The following PCDHGA5 variants were observed in gnomAD, a reference collection of about 807,000 sequenced individuals.
PCDHGA5 encodes the protein protocadherin gamma-A5.
Under a neutral mutation model 56.7 loss-of-function variants are expected in PCDHGA5, and 36 were observed. The observed-to-expected ratio is 0.64, with a 90% CI of 0.49 to 0.84. The LOEUF (loss-of-function observed/expected upper bound fraction) is 0.84, where lower values mean the gene tolerates loss of function less well. PCDHGA5 is among the 40% of genes least tolerant of loss of function. The probability of loss-of-function intolerance (pLI) is 0.00; values close to 1 mark genes in which losing one functional copy is unlikely to be tolerated. For synonymous variants in PCDHGA5, 563 were observed against 520.2 expected (o/e 1.08, Z -1.12); for missense variants, 1,305 against 1,201.5 (o/e 1.09, Z -1.27).
In PCDHGA5 at chr5:141,489,661, C is replaced by T. The variant is rs756803543; in HGVS notation, c.2422-5146C>T. 36 of 1,614,146 alleles carry T rather than the reference C, an allele frequency of 2.2e-5. 1 individual carries two copies. Among genetic ancestry groups the T allele is most frequent in the South Asian group, 5.5e-5 (5 of 91,090 alleles). ...CTTTGCCACCCCTGAGCGAGAGATG[C>T]GCATCTCAGAATCAGCAGCATCTGG... On this transcript the variant is annotated intron_variant, in intron 1 of 3. Coordinates refer to ENST00000518069, the MANE Select transcript of PCDHGA5 (RefSeq NM_018918.3). The surrounding 1 kb of genome is among the most constrained non-coding windows in gnomAD (Gnocchi z 4.5).
chr5:141,393,400 T>A (rs1427213486), intron 1 of PCDHGA5: 5 of 1,614,024 alleles, frequency 3.1e-6, no homozygotes, highest in Non-Finnish European at 4.2e-6. Context: ...GAGCTGGTGC[T>A]GGAGCGCGCC....
chr5:141,411,743 G>A (rs2095510866), intron 1 of PCDHGA5: 2 of 152,860 alleles, frequency 1.3e-5, no homozygotes, highest in Non-Finnish European at 2.9e-5. Flanking sequence ...TTAGCAGGGT[G>A]TGGTGGCACA....
intron 1 of PCDHGA5, chr5:141,373,873 G>C: frequency 2.1e-6 from 1 of 480,742 alleles, no homozygotes; most frequent in Admixed American, 3.9e-5. Context: ...ACCTGGGCAA[G>C]AAAATCAACG....
chr5:141,421,885 G>A (rs2096608692), intron 1 of PCDHGA5: 1 of 1,613,574 alleles, frequency 6.2e-7, no homozygotes, highest in African/African-American at 1.3e-5. Context: ...AGATGGAGGC[G>A]ATCCCATCCG....
intron 1 of PCDHGA5, among the ~76,000 whole-genome samples, chr5:141,387,384 A>G (rs897106394): frequency 6.6e-6 from 1 of 152,208 alleles, no homozygotes; most frequent in Non-Finnish European, 1.5e-5. Flanking sequence ...CTTTATATAG[A>G]TAGTGCATGT....
chr5:141,457,942 T>C (rs2098933338), intron 1 of PCDHGA5, among the ~76,000 whole-genome samples: 1 of 152,226 alleles, frequency 6.6e-6, no homozygotes, highest in Non-Finnish European at 1.5e-5. Flanking sequence ...TTATTGGCTC[T>C]GCATGTCAAG....
intron 1 of PCDHGA5, chr5:141,412,147 G>C (rs1447265509): frequency 6.6e-6 from 1 of 152,176 alleles, no homozygotes; most frequent in East Asian, 1.9e-4. Context: ...GATACAAACT[G>C]CCTAAGAGAA....
At chr5:141,423,192 C>T in intron 1 of PCDHGA5, 2 of 1,613,622 alleles carry the variant, frequency 1.2e-6, no homozygotes, top group African/African-American at 2.7e-5. Context: ...AGCCCCCTCT[C>T]TCGGCCACCG....
chr5:141,510,905 C>T lies in PCDHGA5; in HGVS notation c.2570-42C>T. 4 of 1,613,538 alleles carry T rather than the reference C, an allele frequency of 2.5e-6. No homozygotes were observed. In the South Asian group the frequency reaches 4.4e-5, roughly 18 times the overall value. ...GATATAAGACAGTGACTGTTGAGGA[C>T]CCTAAGTTTAGCTCCCACCTGATCT... On this transcript the variant is annotated intron_variant, in intron 3 of 3. Coordinates refer to ENST00000518069, the MANE Select transcript of PCDHGA5 (RefSeq NM_018918.3).
chr5:141,386,345 AG>A (rs2090538065), intron 1 of PCDHGA5, among the ~76,000 whole-genome samples: 1 of 152,200 alleles, frequency 6.6e-6, no homozygotes, highest in Admixed American at 6.5e-5. Context: ...GTGGATGACA[AG>A]GTAATCTTGA....
At chr5:141,498,796 G>A (rs1160540093) in intron 2 of PCDHGA5, among the ~76,000 whole-genome samples, 1 of 152,032 alleles carries the variant, frequency 6.6e-6, no homozygotes, top group Non-Finnish European at 1.5e-5. Context: ...AGCCAGGTGT[G>A]GTGGTGCACA....
At chr5:141,415,438 C>A in intron 1 of PCDHGA5, 1 of 1,614,218 alleles carries the variant, frequency 6.2e-7, no homozygotes, top group South Asian at 1.1e-5. Flanking sequence ...GGCTTTCCTG[C>A]AGACCTATTC....
chr5:141,476,754 T>G lies in PCDHGA5; in HGVS notation c.2422-18053T>G. 1 of 1,613,926 alleles carries G rather than the reference T, an allele frequency of 6.2e-7. No individual in the cohort carries two copies. The highest frequency in any genetic ancestry group is 1.1e-5 in the South Asian group (1 of 91,084). On this transcript the variant is annotated intron_variant, in intron 1 of 3. Coordinates refer to ENST00000518069, the MANE Select transcript of PCDHGA5 (RefSeq NM_018918.3). The surrounding 1 kb of genome is among the most constrained non-coding windows in gnomAD (Gnocchi z 7.6). Reference sequence around the variant, plus strand: ...GAACGGGAGCCTAGTCTCCAGTTAGTGCTGACGGCGTTGGACGGAGGGACC... The same window carrying G: ...GAACGGGAGCCTAGTCTCCAGTTAGGGCTGACGGCGTTGGACGGAGGGACC...
intron 1 of PCDHGA5, chr5:141,398,388 C>G: frequency 6.9e-7 from 1 of 1,454,974 alleles, no homozygotes; most frequent in African/African-American, 1.4e-5. Flanking sequence ...TGCTTGTGAG[C>G]AGCAGGCTAG....
chr5:141,365,039 G>A lies in PCDHGA5; in HGVS notation c.709G>A (p.Asp237Asn), dbSNP rs577848371. The change falls in exon 1 of 4, where the codon GAC (aspartate) becomes AAC (asparagine). Residue 237 changes from aspartate (D) to asparagine (N), a missense_variant. Physicochemically the swap from Asp to Asn is conservative, Grantham distance 23. Transcript: ENST00000518069. ...CCGTGTTACGGTCCTCGACGCAAAC[G>A]ACAATGCGCCCCTGTTCACCCCATC... ...HIRVTVLDAN[D>N]NAPLFTPSEY... is the part of the protein sequence containing the mutation. 7.4e-6 allele frequency: 12 copies of A among 1,613,840 alleles called. No homozygotes were observed. Among genetic ancestry groups the A allele is most frequent in the Non-Finnish European group, 9.3e-6 (11 of 1,179,908 alleles).
rs913767837 is a variant in PCDHGA5, at chr5:141,491,909, C to T, written c.2422-2898C>T. 8.5e-6 allele frequency: 12 copies of T among 1,403,834 alleles called. No individual in the cohort carries two copies. Among genetic ancestry groups the T allele is most frequent in the Non-Finnish European group, 1.1e-5 (12 of 1,057,326 alleles). 87.0% of individuals were successfully genotyped at this position (1,403,834 alleles called of 1,614,324 possible). A position where few individuals can be genotyped will look rare whatever the true frequency, so the allele number is the denominator to read the frequency against. Reference sequence around the variant, plus strand: ...GGGCTCCGAGCACCGGGGGTGGTGGCGACTGTGGGCGAGGGGAGGTGGGAC... The same window carrying T: ...GGGCTCCGAGCACCGGGGGTGGTGGTGACTGTGGGCGAGGGGAGGTGGGAC... On this transcript the variant is annotated intron_variant, in intron 1 of 3. Transcript: ENST00000518069. The surrounding 1 kb of genome is among the most constrained non-coding windows in gnomAD (Gnocchi z 6.9).
intron 1 of PCDHGA5, among the ~76,000 whole-genome samples, chr5:141,437,364 T>C (rs1026384836): frequency 6.6e-6 from 1 of 152,232 alleles, no homozygotes; most frequent in African/African-American, 2.4e-5. Flanking sequence ...AAAATTGGAA[T>C]GTAATCAGTC....
chr5:141,375,025 TTA>T (rs778119379), intron 1 of PCDHGA5: 2 of 1,614,042 alleles, frequency 1.2e-6, no homozygotes, highest in East Asian at 4.5e-5. Flanking sequence ...ACTCGAGTTT[TTA>T]TGAGCTGGGT....
Position 141,431,612 on chromosome 5 carries a change from G to T in PCDHGA5, c.2422-63195G>T, listed in dbSNP as rs79883194. 6.2e-7 allele frequency: 1 copy of T among 1,614,244 alleles called. No homozygotes were observed. The highest frequency in any genetic ancestry group is 2.2e-5 in the East Asian group (1 of 44,880). Reference sequence around the variant, plus strand: ...AGTGAGGTATTCCTTCCGGTATGTGGACGACAAGGCGGCCCAAGTTTTCAA... The same window carrying T: ...AGTGAGGTATTCCTTCCGGTATGTGTACGACAAGGCGGCCCAAGTTTTCAA... On this transcript the variant is annotated intron_variant, in intron 1 of 3. Transcript: ENST00000518069. The surrounding 1 kb of genome is among the most constrained non-coding windows in gnomAD (Gnocchi z 4.8).
Sources: allele counts gnomAD v4.1 joint callset (sites outside exome capture counted in the v4.1 genomes callset), GRCh38; gene constraint gnomAD v4.1.1; non-coding constraint Gnocchi (gnomAD v3.1); transcripts MANE v1.5; gene names NCBI Gene and HGNC (gene_info 2026-07-23, HGNC 2026-07-21).